The following APOOL variants were observed in gnomAD, a reference collection of about 807,000 sequenced individuals.
APOOL encodes MICOS complex subunit MIC27.
A neutral mutation model predicts 23.1 loss-of-function variants in APOOL; 12 were observed. The observed-to-expected ratio is 0.52, with a 90% CI of 0.33 to 0.84. The LOEUF is 0.84. Ranked by LOEUF, APOOL falls within the 40% of genes least tolerant of loss-of-function variation. APOOL has a pLI of 0.02. For synonymous variants in APOOL, 77 were observed against 69.9 expected (o/e 1.10, Z -0.51); for missense variants, 212 against 199.6 (o/e 1.06, Z -0.37).
At chrX:85,025,033 C>T (rs1394788537) in intron 1 of APOOL, among the ~76,000 whole-genome samples, 1 of 111,906 alleles carries the variant, frequency 8.9e-6, no homozygotes, top group Non-Finnish European at 1.9e-5. Context: ...TTAATTGGCT[C>T]ACGATTGTTT....
At chrX:85,079,678 T>C (rs58434113) in intron 8 of APOOL, among the ~76,000 whole-genome samples, 1 of 111,728 alleles carries the variant, frequency 9.0e-6, no homozygotes, top group African/African-American at 3.3e-5. Context: ...CCAGCTCCTC[T>C]TTGTATCTCT....
chrX:85,087,712 A>T lies in APOOL; in HGVS notation c.*34A>T. The T allele has an allele frequency of 9.2e-7, 1 of 1,081,731 alleles. No individual in the cohort carries two copies. Among genetic ancestry groups the T allele is most frequent in the Non-Finnish European group, 1.2e-6 (1 of 803,556 alleles). The allele number at this position is 1,081,731 out of a possible 1,213,427, so 89.1% of individuals were successfully genotyped here. Reference sequence around the variant, plus strand: ...GCATGCAGAGACTACACAGAAAACTACAAGATGTGTGGCGTTGCAAATAAT... The same window carrying T: ...GCATGCAGAGACTACACAGAAAACTTCAAGATGTGTGGCGTTGCAAATAAT... On this transcript the variant is annotated 3_prime_UTR_variant, in exon 9 of 9. Transcript: ENST00000373173.
chrX:85,085,000 C>T (rs1271504166), intron 8 of APOOL, among the ~76,000 whole-genome samples: 1 of 111,336 alleles, frequency 9.0e-6, no homozygotes, highest in Admixed American at 9.7e-5. Context: ...AGTAGAGATA[C>T]AGCAGAACCA....
chrX:85,030,343 T>C (rs888044670), intron 1 of APOOL, among the ~76,000 whole-genome samples: 2 of 109,641 alleles, frequency 1.8e-5, no homozygotes, highest in Non-Finnish European at 3.8e-5. Flanking sequence ...TAATGGACTT[T>C]AGAGAGTCAG....
At chrX:85,082,030 C>G (rs1014946619) in intron 8 of APOOL, among the ~76,000 whole-genome samples, 1 of 111,568 alleles carries the variant, frequency 9.0e-6, no homozygotes. Flanking sequence ...GCGGTGGGTT[C>G]GAACATTCTC....
chrX:85,072,662 G>T (rs1810506870), intron 6 of APOOL, among the ~76,000 whole-genome samples: 1 of 111,185 alleles, frequency 9.0e-6, no homozygotes, highest in African/African-American at 3.3e-5. Flanking sequence ...TAAACAAATT[G>T]TGGTGCATAC....
chrX:85,049,136 G>A (rs1366677872), intron 2 of APOOL, among the ~76,000 whole-genome samples: 1 of 111,641 alleles, frequency 9.0e-6, no homozygotes, highest in Non-Finnish European at 1.9e-5. Flanking sequence ...AATTTTAAAT[G>A]TGGTTTTATA....
chrX:85,040,702 G>T (rs1383261777), intron 1 of APOOL, among the ~76,000 whole-genome samples: 2 of 111,625 alleles, frequency 1.8e-5, no homozygotes, highest in Non-Finnish European at 3.8e-5. Context: ...ATTATATTAT[G>T]AAATTTTTAC....
chrX:85,053,059 A>G (rs1280485088), intron 3 of APOOL, among the ~76,000 whole-genome samples: 1 of 111,746 alleles, frequency 8.9e-6, no homozygotes, highest in Non-Finnish European at 1.9e-5. Context: ...CATTCTTTAA[A>G]AATTATGTCT....
chrX:85,010,380 C>T (rs1921235355), intron 1 of APOOL, among the ~76,000 whole-genome samples: 1 of 111,693 alleles, frequency 9.0e-6, no homozygotes, highest in African/African-American at 3.3e-5. Context: ...AATAGATTTT[C>T]AGGAACAGGT....
Position 85,087,630 on chromosome X carries a change from C to T in APOOL, c.759C>T (p.His253=), listed in dbSNP as rs142947376. Residue 253 remains histidine, a synonymous_variant, in exon 9 of 9, where the codon CAC becomes CAT. Transcript: ENST00000373173. ...TGCCTGACCCCAAGCTCATGGATCA[C>T]GGGCAGTCCCACCCAGAAGATATAG... ...QFMPDPKLMD[H]GQSHPEDIDM... The T allele has an allele frequency of 3.5e-4, 422 of 1,199,489 alleles. 1 individual carries two copies. The Middle Eastern group carries it at 7.9e-3, about 22-fold the overall frequency.
chrX:85,055,780 C>A, intron 4 of APOOL, 47 bp from the exon 5 acceptor site: 1 of 889,489 alleles, frequency 1.1e-6, no homozygotes, highest in Non-Finnish European at 1.6e-6. Flanking sequence ...TATAGAATAT[C>A]CAGTAGAATT....
chrX:85,092,433 C>T lies in APOOL; in HGVS notation c.*4755C>T. The stretch of plus-strand genomic sequence containing the variant: ...TGTCCAGGAGTTCTTCTCTGTTAAA[C>T]CTGAAGAGATGCCAGCCCTCCTCAG... On this transcript the variant is annotated 3_prime_UTR_variant, in exon 9 of 9. Transcript: ENST00000373173. 1 of 1,191,530 alleles carries T rather than the reference C, an allele frequency of 8.4e-7. No individual in the cohort carries two copies. Among genetic ancestry groups the T allele is most frequent in the Non-Finnish European group, 1.1e-6 (1 of 885,214 alleles).
chrX:85,033,291 A>G (rs760783664), intron 1 of APOOL, among the ~76,000 whole-genome samples: 1 of 112,025 alleles, frequency 8.9e-6, no homozygotes, highest in South Asian at 3.7e-4. Flanking sequence ...TTCCATTGCT[A>G]TTATATTAGA....
At chrX:85,016,555 T>A (rs1200320860) in intron 1 of APOOL, among the ~76,000 whole-genome samples, 1 of 110,967 alleles carries the variant, frequency 9.0e-6, no homozygotes, top group Non-Finnish European at 1.9e-5. Flanking sequence ...AGTGTACTCC[T>A]CTTACGGGGA....
intron 1 of APOOL, among the ~76,000 whole-genome samples, chrX:85,038,332 C>A (rs1334679982): frequency 2.7e-5 from 3 of 110,108 alleles, no homozygotes; most frequent in Non-Finnish European, 5.7e-5. Flanking sequence ...CTATGTTTAT[C>A]AGAGTATTGG....
intron 1 of APOOL, among the ~76,000 whole-genome samples, chrX:85,012,891 T>A (rs1446152986): frequency 8.9e-6 from 1 of 112,128 alleles, no homozygotes; most frequent in Admixed American, 9.4e-5. Flanking sequence ...TCTTTCTTTA[T>A]TTTTTGTAAT....
chrX:85,080,879 T>G (rs1924068393), intron 8 of APOOL, among the ~76,000 whole-genome samples: 3 of 111,585 alleles, frequency 2.7e-5, no homozygotes, highest in Admixed American at 1.9e-4. Context: ...TGTTTGTTGG[T>G]TAAAAGTCTG....
intron 1 of APOOL, among the ~76,000 whole-genome samples, chrX:85,018,346 G>A (rs1921547793): frequency 9.0e-6 from 1 of 111,310 alleles, no homozygotes; most frequent in South Asian, 3.8e-4. Context: ...CAGCAAGAAA[G>A]TAAGTGGGGA....
Sources: gnomAD v4.1 joint callset for allele counts (sites outside exome capture counted in the v4.1 genomes callset) on GRCh38, gnomAD v4.1.1 for gene constraint, MANE v1.5 for transcripts, NCBI Gene and HGNC (gene_info 2026-07-23, HGNC 2026-07-21) for gene names.